FAM78B: variants seen among roughly 807,000 people sequenced by gnomAD.
FAM78B encodes the protein protein FAM78B.
In FAM78B, 10 loss-of-function variants were observed where a neutral mutation model predicts 20.0. That is an observed-to-expected ratio of 0.50 (90% CI 0.31 to 0.85). FAM78B has a LOEUF of 0.85. Ranked by LOEUF, FAM78B falls within the 40% of genes least tolerant of loss-of-function variation. The probability of loss-of-function intolerance (pLI) is 0.05; values close to 1 mark genes in which losing one functional copy is unlikely to be tolerated. For synonymous variants in FAM78B, 135 were observed against 132.8 expected (o/e 1.02, Z -0.12); for missense variants, 283 against 345.0 (o/e 0.82, Z 1.42).
chr1:166,103,601 A>G (rs1415421459), intron 1 of FAM78B, among the ~76,000 whole-genome samples: 1 of 152,258 alleles, frequency 6.6e-6, no homozygotes, highest in African/African-American at 2.4e-5. Context: ...TAGAAAATCT[A>G]GAAGAAATGG....
chr1:166,077,933 A>AT (rs1557891132), intron 1 of FAM78B, among the ~76,000 whole-genome samples: 1 of 16,648 alleles, frequency 6.0e-5, no homozygotes, highest in Non-Finnish European at 9.2e-5. Context: ...ATAAATATAT[A>AT]ATAATATATA....
At chr1:166,104,171 T>G (rs1168549938) in intron 1 of FAM78B, among the ~76,000 whole-genome samples, 2 of 152,178 alleles carry the variant, frequency 1.3e-5, no homozygotes, top group African/African-American at 2.4e-5. Context: ...TGCTAAAAAC[T>G]CTCAATAAAT....
intron 1 of FAM78B, among the ~76,000 whole-genome samples, chr1:166,152,415 T>A (rs1655711220): frequency 6.6e-6 from 1 of 152,140 alleles, no homozygotes; most frequent in African/African-American, 2.4e-5. Flanking sequence ...CTTGGCCCTG[T>A]CTGCACCCCA....
At chr1:166,151,217 T>A (rs1655663984) in intron 1 of FAM78B, among the ~76,000 whole-genome samples, 1 of 152,220 alleles carries the variant, frequency 6.6e-6, no homozygotes, top group Non-Finnish European at 1.5e-5. Context: ...ATGAAGACAA[T>A]CTGACTGTCT....
At chr1:166,152,490 C>T (rs1264140547) in intron 1 of FAM78B, among the ~76,000 whole-genome samples, 1 of 151,942 alleles carries the variant, frequency 6.6e-6, no homozygotes, top group Admixed American at 6.6e-5. Flanking sequence ...AGATGCTTGC[C>T]CAGAGGACAA....
At chr1:166,139,362 T>C (rs1199971287) in intron 1 of FAM78B, among the ~76,000 whole-genome samples, 2 of 152,176 alleles carry the variant, frequency 1.3e-5, no homozygotes, top group East Asian at 1.9e-4. Flanking sequence ...GCAGACTCTT[T>C]ATTCATTCAA....
intron 1 of FAM78B, among the ~76,000 whole-genome samples, chr1:166,145,409 G>T (rs1001971813): frequency 6.6e-6 from 1 of 152,216 alleles, no homozygotes; most frequent in African/African-American, 2.4e-5. Flanking sequence ...CCTGTAGGTT[G>T]GCACCAGGTG....
At chr1:166,056,043 G>C (rs1265421095), downstream of FAM78B, among the ~76,000 whole-genome samples, 1 of 152,182 alleles carries the variant, frequency 6.6e-6, no homozygotes, top group Non-Finnish European at 1.5e-5. Context: ...TCTAAAATGT[G>C]TCTGCAAAGC....
intron 2 of FAM78B, among the ~76,000 whole-genome samples, chr1:166,062,951 A>C (rs1453091710): frequency 6.6e-6 from 1 of 152,228 alleles, no homozygotes; most frequent in Non-Finnish European, 1.5e-5. Context: ...GCACATACTG[A>C]CGTGGCTGTA....
intron 1 of FAM78B, among the ~76,000 whole-genome samples, chr1:166,084,274 C>T (rs1358645386): frequency 6.6e-6 from 1 of 151,404 alleles, no homozygotes; most frequent in East Asian, 1.9e-4. Context: ...CTTTCTCTCT[C>T]TCTCTTTGCA....
chr1:166,162,096 C>T (rs1470044386), intron 1 of FAM78B, among the ~76,000 whole-genome samples: 2 of 152,166 alleles, frequency 1.3e-5, no homozygotes, highest in African/African-American at 4.8e-5. Context: ...CACAGAGAAG[C>T]CCGTCTACAA....
chr1:166,080,087 G>A (rs1443575250), intron 1 of FAM78B, among the ~76,000 whole-genome samples: 1 of 152,166 alleles, frequency 6.6e-6, no homozygotes, highest in East Asian at 1.9e-4. Flanking sequence ...TTCCGCTAGT[G>A]AGGGGCAGAA....
At chr1:166,071,122 G>A (rs192725706) in intron 1 of FAM78B, among the ~76,000 whole-genome samples, 195 of 152,318 alleles carry the variant, frequency 1.3e-3, no homozygotes, top group African/African-American at 4.3e-3. Flanking sequence ...AAATATGAAT[G>A]TGAATAAGGT....
At chr1:166,109,806 GTATATATGTATATATATA>G (rs1653925929) in intron 1 of FAM78B, among the ~76,000 whole-genome samples, 1 of 34,402 alleles carries the variant, frequency 2.9e-5, no homozygotes, top group African/African-American at 1.1e-4. Flanking sequence ...TGATATATAT[GTATATATGTATATATATA>G]TATATATGTA....
chr1:166,127,111 A>T (rs572209206), intron 1 of FAM78B, among the ~76,000 whole-genome samples: 1 of 152,344 alleles, frequency 6.6e-6, no homozygotes, highest in East Asian at 1.9e-4. Flanking sequence ...TCTGAATGTC[A>T]GTATCCTCAC....
intron 1 of FAM78B, among the ~76,000 whole-genome samples, chr1:166,142,561 T>C (rs1036194187): frequency 2.0e-5 from 3 of 152,200 alleles, no homozygotes; most frequent in Non-Finnish European, 4.4e-5. Flanking sequence ...TATTTGAGGA[T>C]TGACCACAAA....
chr1:166,077,962 ATATATATAATAAATATATATAATTT>A (rs1652392290), intron 1 of FAM78B, among the ~76,000 whole-genome samples: 1 of 1,320 alleles, frequency 7.6e-4, no homozygotes, highest in Non-Finnish European at 2.1e-3. Context: ...ATATATAATT[ATATATATAATAAATATATATAATTT>A]ATATATATAA....
intron 1 of FAM78B, among the ~76,000 whole-genome samples, chr1:166,104,924 T>C (rs1194686487): frequency 1.3e-5 from 2 of 152,198 alleles, no homozygotes; most frequent in Admixed American, 1.3e-4. Flanking sequence ...AGAACAAAGC[T>C]GGAGGCATCA....
chr1:166,157,295 C>G (rs72703957), intron 1 of FAM78B, among the ~76,000 whole-genome samples: 4,259 of 152,020 alleles, frequency 0.028, 72 homozygotes, highest in Non-Finnish European at 0.041. Flanking sequence ...AACGAGCATG[C>G]TCTGTAATAA....
Sources: allele counts gnomAD v4.1 joint callset (sites outside exome capture counted in the v4.1 genomes callset), GRCh38; gene constraint gnomAD v4.1.1; transcripts MANE v1.5; gene names NCBI Gene and HGNC (gene_info 2026-07-23, HGNC 2026-07-21).